Variants in SCGB2B2 observed in about 807,000 individuals in gnomAD.
The protein encoded by SCGB2B2 is secretoglobin-like protein.
SCGB2B2 carries 11 observed loss-of-function variants against 7.6 expected under a neutral mutation model. The observed-to-expected ratio is 1.45, with a 90% CI of 0.91 to 2.40. SCGB2B2 has a LOEUF of 2.40. SCGB2B2 is among the 30% of genes most tolerant of loss of function. The probability of loss-of-function intolerance (pLI) is 0.00; values close to 1 mark genes in which losing one functional copy is unlikely to be tolerated. For missense variants in SCGB2B2, 104 were observed against 115.4 expected, an observed-to-expected ratio of 0.90 and a Z score of 0.45; for synonymous variants, 50 against 48.6, an observed-to-expected ratio of 1.03 and a Z score of -0.12.
At chr19:34,664,966 A>G (rs1258548870) in intron 1 of SCGB2B2, among the ~76,000 whole-genome samples, 3 of 151,416 alleles carry the variant, frequency 2.0e-5, no homozygotes, top group African/African-American at 7.3e-5. Context: ...ACCCCAGGGC[A>G]CCTCCTGCCC....
chr19:34,601,755 A>ATTTG (rs2065629987), intron 1 of SCGB2B2, among the ~76,000 whole-genome samples: 1 of 152,152 alleles, frequency 6.6e-6, no homozygotes, highest in African/African-American at 2.4e-5. Context: ...TCTAATGCCT[A>ATTTG]TTTGTTTATT....
intron 1 of SCGB2B2, chr19:34,634,933 C>T (rs1600057790): frequency 3.7e-6 from 1 of 271,892 alleles, no homozygotes; most frequent in South Asian, 5.3e-5. Context: ...CACTCACAGC[C>T]TTTCACCAGT....
At chr19:34,587,505 C>A (rs2065208640), downstream of SCGB2B2, among the ~76,000 whole-genome samples, 1 of 152,168 alleles carries the variant, frequency 6.6e-6, no homozygotes, top group African/African-American at 2.4e-5. Context: ...CCTTTCCAGT[C>A]TGGATGCCCT....
chr19:34,609,932 A>G (rs1041230964), intron 1 of SCGB2B2, among the ~76,000 whole-genome samples: 29 of 152,232 alleles, frequency 1.9e-4, no homozygotes, highest in African/African-American at 6.5e-4. Context: ...TTTTTACAAC[A>G]TTAATTCTTC....
At chr19:34,605,170 T>C (rs942878465) in intron 1 of SCGB2B2, among the ~76,000 whole-genome samples, 1 of 152,244 alleles carries the variant, frequency 6.6e-6, no homozygotes, top group Non-Finnish European at 1.5e-5. Flanking sequence ...ACAGATCTTA[T>C]AATCTTTTGG....
chr19:34,585,629 G>A, the SCGB2B2 span, among the ~76,000 whole-genome samples: 7 of 152,202 alleles, frequency 4.6e-5, no homozygotes, highest in Non-Finnish European at 8.8e-5. Flanking sequence ...GAAGCTATGG[G>A]ATTTTCAAAG....
downstream of SCGB2B2, among the ~76,000 whole-genome samples, chr19:34,590,395 AT>A (rs2065271068): frequency 7.0e-5 from 5 of 71,790 alleles, no homozygotes; most frequent in Admixed American, 2.3e-4. Flanking sequence ...CCATCCATCC[AT>A]TCATCCATTC....
chr19:34,655,867 C>A (rs2067267833), intron 1 of SCGB2B2, among the ~76,000 whole-genome samples: 2 of 151,136 alleles, frequency 1.3e-5, no homozygotes, highest in African/African-American at 4.9e-5. Context: ...GCCAAGGTCA[C>A]AGGAGGAATG....
chr19:34,614,447 C>T (rs8100611), intron 1 of SCGB2B2, among the ~76,000 whole-genome samples: 47,844 of 151,744 alleles, frequency 0.32, 8,351 homozygotes, highest in Middle Eastern at 0.47. Context: ...TCTTCAGTTG[C>T]AGGATTTCTG....
intron 1 of SCGB2B2, among the ~76,000 whole-genome samples, chr19:34,643,731 G>A (rs945253430): frequency 6.6e-6 from 1 of 151,936 alleles, no homozygotes; most frequent in Admixed American, 6.6e-5. Context: ...ACTATTCCTA[G>A]AATGATGGTA....
At chr19:34,593,624 G>A in intron 3 of SCGB2B2, 25 bp from the exon 4 acceptor site, 2 of 1,548,986 alleles carry the variant, frequency 1.3e-6, no homozygotes, top group Non-Finnish European at 1.7e-6. Flanking sequence ...AGAAAGAGAG[G>A]AGCCGGTGGC....
chr19:34,602,440 T>C (rs1275190439), intron 1 of SCGB2B2, among the ~76,000 whole-genome samples: 1 of 152,240 alleles, frequency 6.6e-6, no homozygotes, highest in East Asian at 1.9e-4. Flanking sequence ...GGGGATGCAG[T>C]GGCGGTTTCC....
chr19:34,601,158 C>G (rs2065612816), intron 1 of SCGB2B2, among the ~76,000 whole-genome samples: 1 of 152,216 alleles, frequency 6.6e-6, no homozygotes, highest in Non-Finnish European at 1.5e-5. Context: ...CTTTATTCTA[C>G]TGCTCTGTGT....
At chr19:34,663,184 G>T (rs977918058) in intron 1 of SCGB2B2, among the ~76,000 whole-genome samples, 1 of 152,238 alleles carries the variant, frequency 6.6e-6, no homozygotes, top group Non-Finnish European at 1.5e-5. Context: ...GTGGCTGGGG[G>T]TGTGCATTGT....
chr19:34,676,722 TTAA>T lies in SCGB2B2; in HGVS notation c.-3127_-3125del, dbSNP rs2067964728. The T allele has an allele frequency of 1.3e-5, 2 of 152,226 alleles. No homozygotes were observed. Among genetic ancestry groups the T allele is most frequent in the Non-Finnish European group, 2.9e-5 (2 of 68,034 alleles). 9.4% of individuals were successfully genotyped at this position (152,226 alleles called of 1,614,324 possible). Reference sequence around the variant, plus strand: ...TCACGAAGATCATGCAGGTCAGTACTTAATAAGTACAAAAAAGTCTATAGCGAC... The same window carrying T: ...TCACGAAGATCATGCAGGTCAGTACTTAAGTACAAAAAAGTCTATAGCGAC... On this transcript the variant is annotated 5_prime_UTR_variant, in exon 1 of 4. Transcript: ENST00000601241.
At chr19:34,613,809 G>A (rs1319676474) in intron 1 of SCGB2B2, among the ~76,000 whole-genome samples, 3 of 152,128 alleles carry the variant, frequency 2.0e-5, no homozygotes, top group African/African-American at 7.2e-5. Flanking sequence ...TTTTAAGCCT[G>A]TCTGATGGTG....
chr19:34,626,623 T>C (rs2066386093), intron 1 of SCGB2B2, among the ~76,000 whole-genome samples: 1 of 152,188 alleles, frequency 6.6e-6, no homozygotes, highest in African/African-American at 2.4e-5. Flanking sequence ...AGACCAAATC[T>C]ATGTCTGATT....
At chr19:34,648,925 C>T (rs935009986) in intron 1 of SCGB2B2, among the ~76,000 whole-genome samples, 9 of 151,836 alleles carry the variant, frequency 5.9e-5, no homozygotes, top group South Asian at 2.1e-4. Flanking sequence ...TATTTTGAGA[C>T]GGAGTCTTGC....
chr19:34,647,243 G>A (rs1451740229), intron 1 of SCGB2B2, among the ~76,000 whole-genome samples: 1 of 152,180 alleles, frequency 6.6e-6, no homozygotes, highest in Non-Finnish European at 1.5e-5. Context: ...CAGGCATGGT[G>A]CCTCTGTCCC....
Sources: gnomAD v4.1 joint callset for allele counts (sites outside exome capture counted in the v4.1 genomes callset) on GRCh38, gnomAD v4.1.1 for gene constraint, MANE v1.5 for transcripts, NCBI Gene and HGNC (gene_info 2026-07-23, HGNC 2026-07-21) for gene names.